The following PTPRG variants were observed in gnomAD, a reference collection of about 807,000 sequenced individuals.
PTPRG encodes receptor-type tyrosine-protein phosphatase gamma.
Under a neutral mutation model 165.3 loss-of-function variants are expected in PTPRG, and 102 were observed. That is an observed-to-expected ratio of 0.62 (90% CI 0.53 to 0.73). The LOEUF (loss-of-function observed/expected upper bound fraction) is 0.73, where lower values mean the gene tolerates loss of function less well. Ranked by LOEUF, PTPRG falls within the 30% of genes least tolerant of loss-of-function variation. PTPRG has a pLI of 0.00. For missense variants in PTPRG, 1,866 were observed against 1,861.4 expected, an observed-to-expected ratio of 1.00 and a Z score of -0.05; for synonymous variants, 675 against 669.5, an observed-to-expected ratio of 1.01 and a Z score of -0.13.
At chr3:61,911,260 C>T (rs1166749310) in intron 2 of PTPRG, among the ~76,000 whole-genome samples, 1 of 152,170 alleles carries the variant, frequency 6.6e-6, no homozygotes, top group Non-Finnish European at 1.5e-5. Flanking sequence ...ATCATGAGGT[C>T]AGTACCTGTG....
intron 2 of PTPRG, among the ~76,000 whole-genome samples, chr3:61,788,224 G>T (rs1471287939): frequency 1.3e-5 from 2 of 152,076 alleles, no homozygotes; most frequent in African/African-American, 4.8e-5. Context: ...TCATTTCTGG[G>T]TATTTGGAAG....
At chr3:61,940,138 G>A (rs2039583910) in intron 2 of PTPRG, among the ~76,000 whole-genome samples, 2 of 151,726 alleles carry the variant, frequency 1.3e-5, no homozygotes, top group African/African-American at 4.8e-5. Context: ...GTAGAGACAG[G>A]GTTTTACCAG....
chr3:62,241,695 T>C (rs1056491828), intron 14 of PTPRG, among the ~76,000 whole-genome samples: 12 of 152,206 alleles, frequency 7.9e-5, no homozygotes, highest in Non-Finnish European at 1.6e-4. Context: ...ACTTTAACAG[T>C]AACTTGGCCA....
chr3:61,888,199 T>TGTG (rs2038103859), intron 2 of PTPRG, among the ~76,000 whole-genome samples: 43 of 150,146 alleles, frequency 2.9e-4, no homozygotes, highest in African/African-American at 9.5e-4. Flanking sequence ...TTTTAAATCT[T>TGTG]TGTGTGTGTG....
At chr3:62,192,100 C>T (rs1699841323) in intron 9 of PTPRG, among the ~76,000 whole-genome samples, 1 of 152,156 alleles carries the variant, frequency 6.6e-6, no homozygotes, top group Non-Finnish European at 1.5e-5. Flanking sequence ...GCTACTGCTG[C>T]TGATGTCACC....
chr3:61,691,181 AGTG>A (rs2030182073), intron 1 of PTPRG, among the ~76,000 whole-genome samples: 1 of 152,086 alleles, frequency 6.6e-6, no homozygotes, highest in South Asian at 2.1e-4. Context: ...GAGAGGCTGA[AGTG>A]GGAGGATTGC....
rs1336211703 is a variant in PTPRG, at chr3:61,739,255, AG to A, written c.86-9622del. On this transcript the variant is annotated intron_variant, in intron 1 of 29. Transcript: ENST00000474889. ...TTTCTTATTTATAGACAATAACCAA[AG>A]TTTGTGTAGTTGTAATTGGAAGTTA... 38 of 152,144 alleles carry A rather than the reference AG, an allele frequency of 2.5e-4. 1 individual carries two copies. The highest frequency in any genetic ancestry group is 8.9e-4 in the African/African-American group (37 of 41,490). 9.4% of individuals were successfully genotyped at this position (152,144 alleles called of 1,614,324 possible).
chr3:61,955,684 G>A (rs1575820948), intron 2 of PTPRG, among the ~76,000 whole-genome samples: 1 of 152,096 alleles, frequency 6.6e-6, no homozygotes, highest in South Asian at 2.1e-4. Context: ...TTTGGCACGG[G>A]AATGTTCTTG....
chr3:61,822,369 C>T (rs546458735), intron 2 of PTPRG, among the ~76,000 whole-genome samples: 2 of 152,306 alleles, frequency 1.3e-5, no homozygotes, highest in Admixed American at 6.5e-5. Context: ...GAATTTCCCT[C>T]GTGTCCCTGA....
At chr3:62,089,416 T>G (rs1488182102) in intron 5 of PTPRG, among the ~76,000 whole-genome samples, 1 of 152,230 alleles carries the variant, frequency 6.6e-6, no homozygotes, top group Non-Finnish European at 1.5e-5. Context: ...TTTTGCTGAT[T>G]GTGATATTTT....
At chr3:61,878,819 C>T (rs1485131293) in intron 2 of PTPRG, among the ~76,000 whole-genome samples, 1 of 152,076 alleles carries the variant, frequency 6.6e-6, no homozygotes, top group African/African-American at 2.4e-5. Context: ...GTGTATAAAA[C>T]ACAATAGAAC....
At chr3:62,085,285 CAGA>C (rs1389073836) in intron 5 of PTPRG, among the ~76,000 whole-genome samples, 1 of 152,088 alleles carries the variant, frequency 6.6e-6, no homozygotes, top group Non-Finnish European at 1.5e-5. Context: ...CTGTTTGTGT[CAGA>C]AGTGTAAGAT....
intron 1 of PTPRG, among the ~76,000 whole-genome samples, chr3:61,731,665 T>C (rs2032507197): frequency 6.6e-6 from 1 of 152,018 alleles, no homozygotes; most frequent in Admixed American, 6.6e-5. Flanking sequence ...CCTTTCACAG[T>C]GCTATGCAGG....
intron 2 of PTPRG, among the ~76,000 whole-genome samples, chr3:61,823,751 A>G (rs965486818): frequency 6.6e-6 from 1 of 152,248 alleles, no homozygotes; most frequent in Admixed American, 6.5e-5. Context: ...GTAGAAATCA[A>G]TAATGTAGGA....
chr3:61,821,915 C>T (rs1410123347), intron 2 of PTPRG, among the ~76,000 whole-genome samples: 3 of 152,190 alleles, frequency 2.0e-5, no homozygotes, highest in African/African-American at 7.2e-5. Flanking sequence ...ATGTAATGTG[C>T]ACTGGGCAGG....
At chr3:61,955,926 A>T (rs1361649888) in intron 2 of PTPRG, among the ~76,000 whole-genome samples, 1 of 152,126 alleles carries the variant, frequency 6.6e-6, no homozygotes, top group Non-Finnish European at 1.5e-5. Context: ...CTTTACTCCT[A>T]AAATAGGAGT....
At chr3:61,941,051 C>G (rs113309111) in intron 2 of PTPRG, among the ~76,000 whole-genome samples, 4,475 of 152,290 alleles carry the variant, frequency 0.029, 130 homozygotes, top group South Asian at 0.075. Context: ...ATTGACTCTT[C>G]TTAGGCAAGT....
At chr3:61,758,769 T>A (rs1482093044) in intron 2 of PTPRG, among the ~76,000 whole-genome samples, 6 of 152,202 alleles carry the variant, frequency 3.9e-5, no homozygotes. Context: ...TGAACTCTCA[T>A]TCTTTATCTT....
chr3:62,200,350 A>T (rs1352357378), intron 10 of PTPRG, among the ~76,000 whole-genome samples: 3 of 152,054 alleles, frequency 2.0e-5, no homozygotes, highest in Non-Finnish European at 2.9e-5. Context: ...TGCTCACTGC[A>T]GCCTCCACCT....
Sources: gnomAD v4.1 joint callset for allele counts (sites outside exome capture counted in the v4.1 genomes callset) on GRCh38, gnomAD v4.1.1 for gene constraint, MANE v1.5 for transcripts, NCBI Gene and HGNC (gene_info 2026-07-23, HGNC 2026-07-21) for gene names.